Variants in HDAC1 observed in about 807,000 individuals in gnomAD.
HDAC1 encodes the protein protein deacetylase HDAC1.
Under a neutral mutation model 65.5 loss-of-function variants are expected in HDAC1, and 18 were observed. That is an observed-to-expected ratio of 0.27 (90% CI 0.19 to 0.41). The LOEUF (loss-of-function observed/expected upper bound fraction) is 0.41. HDAC1 is among the 10% of genes least tolerant of loss of function. HDAC1 has a pLI of 1.00. For synonymous variants in HDAC1, 211 were observed against 227.9 expected, an observed-to-expected ratio of 0.93 and a Z score of 0.67; for missense variants, 373 against 625.2, an observed-to-expected ratio of 0.60 and a Z score of 4.30.
At position 32,324,568 on chromosome 1, in the gene HDAC1, T is replaced by C. The variant is rs777879437; in HGVS notation, c.355+15T>C. On this transcript the variant is annotated intron_variant, in intron 4 of 13. Transcript: ENST00000373548. ...TGGTTCTGTGGGTAAGGAATATTCA[T>C]CTTCTCCCCAGGGGTAGACTGGGTT... The C allele has an allele frequency of 5.2e-5, 82 of 1,569,558 alleles. No homozygotes were observed. The South Asian group carries it at 5.3e-4, about 10-fold the overall frequency.
chr1:32,326,063 C>T (rs1343600254), intron 4 of HDAC1, among the ~76,000 whole-genome samples: 1 of 152,132 alleles, frequency 6.6e-6, no homozygotes, highest in Non-Finnish European at 1.5e-5. Flanking sequence ...CACAAATGCA[C>T]TTGCACACAT....
intron 3 of HDAC1, among the ~76,000 whole-genome samples, chr1:32,321,192 C>G (rs1313399792): frequency 6.6e-6 from 1 of 150,502 alleles, no homozygotes; most frequent in Non-Finnish European, 1.5e-5. Flanking sequence ...CATTGCGCCA[C>G]TGCACTCCAG....
intron 1 of HDAC1, 67 bp from the exon 2 acceptor site, chr1:32,302,554 A>C: frequency 1.3e-6 from 1 of 786,280 alleles, no homozygotes; most frequent in Non-Finnish European, 2.3e-6. Flanking sequence ...CGCTGTAAAA[A>C]TTCCTGGGTT....
At chr1:32,325,820 G>GT (rs1006480566) in intron 4 of HDAC1, among the ~76,000 whole-genome samples, 11 of 152,136 alleles carry the variant, frequency 7.2e-5, no homozygotes, top group Admixed American at 1.3e-4. Context: ...GAGGTCAGGA[G>GT]TTTGAGACCA....
Position 32,318,891 on chromosome 1 carries a change from A to G in HDAC1, c.280+2109A>G, listed in dbSNP as rs546304653. Among the ~76,000 whole-genome samples, 10 of 152,116 alleles carry G rather than the reference A, an allele frequency of 6.6e-5. No individual in the cohort carries two copies. In the South Asian group the frequency reaches 1.0e-3, roughly 16 times the overall value. On this transcript the variant is annotated intron_variant, in intron 3 of 13. Coordinates refer to ENST00000373548, the MANE Select transcript of HDAC1 (RefSeq NM_004964.3). The stretch of plus-strand genomic sequence containing the variant: ...CCCAGCAGTTTGGGAGGCTGAGGCA[A>G]GCAGATCACCTGGGGTCGGGAGTTT...
rs184499323 is a variant in HDAC1, at chr1:32,315,429, T to C, written c.163-1236T>C. On this transcript the variant is annotated intron_variant, in intron 2 of 13. Transcript: ENST00000373548. ...GTGCAGTGGCACAATCTCAGCTCAC[T>C]GCAACCTCCACCTCCCAGGTTCAAG... Among the ~76,000 whole-genome samples, 35 of 151,866 alleles carry C rather than the reference T, an allele frequency of 2.3e-4. No individual in the cohort carries two copies. The East Asian group carries it at 6.4e-3, about 28-fold the overall frequency.
rs199676425 is a variant in HDAC1 at position 32,330,614 on chromosome 1, G to A, written c.766G>A (p.Ala256Thr). The change falls in exon 8 of 14, where the codon GCG becomes ACG. Residue 256 changes from alanine (A) to threonine (T), a missense_variant. Physicochemically the swap from Ala to Thr is moderately conservative, Grantham distance 58. This residue lies in a region of HDAC1 where 105 missense variants were observed against 192.6 expected (regional missense o/e 0.55). Coordinates refer to ENST00000373548, the MANE Select transcript of HDAC1 (RefSeq NM_004964.3). This position sits in a 1 kb window ranked among gnomAD's most constrained non-coding sequence, Gnocchi z 4.2. Reference protein sequence around the residue: ...SKVMEMFQPSAVVLQCGSDSL... With the variant: ...SKVMEMFQPSTVVLQCGSDSL... ...AGTAATGGAGATGTTCCAGCCTAGT[G>A]CGGTGGTCTTACAGTGTGGCTCAGA... 5 of 1,613,904 alleles carry A rather than the reference G, an allele frequency of 3.1e-6. No homozygotes were observed. Among genetic ancestry groups the A allele is most frequent in the Non-Finnish European group, 4.2e-6 (5 of 1,179,776 alleles).
chr1:32,294,835 T>A lies in HDAC1; in HGVS notation c.49+2617T>A, dbSNP rs1005137222. On this transcript the variant is annotated intron_variant, in intron 1 of 13. Transcript: ENST00000373548. ...GGCCCCAACTTTTTTTTTTTTTTTT[T>A]AAACTTCTAGAGATGGGGTCTCAAT... is the stretch of plus-strand genomic sequence containing the variant. Among the ~76,000 whole-genome samples the A allele has an allele frequency of 4.0e-5, 6 of 150,478 alleles. 1 individual carries two copies. Among genetic ancestry groups the A allele is most frequent in the African/African-American group, 9.7e-5 (4 of 41,100 alleles).
intron 6 of HDAC1, among the ~76,000 whole-genome samples, chr1:32,328,425 C>G (rs908609384): frequency 6.6e-6 from 1 of 152,094 alleles, no homozygotes; most frequent in Non-Finnish European, 1.5e-5. Context: ...GATCTTGTGC[C>G]TCAGCCTCCG....
At chr1:32,323,405 A>AT (rs1325050735) in intron 3 of HDAC1, among the ~76,000 whole-genome samples, 4 of 151,504 alleles carry the variant, frequency 2.6e-5, no homozygotes, top group Non-Finnish European at 4.4e-5. Flanking sequence ...TTATTTATTT[A>AT]TTTTTTTGAG....
intron 1 of HDAC1, among the ~76,000 whole-genome samples, chr1:32,293,855 T>C (rs1316079185): frequency 6.6e-6 from 1 of 150,782 alleles, no homozygotes; most frequent in African/African-American, 2.4e-5. Flanking sequence ...TGAGCCAAGA[T>C]TGCACCGCTG....
rs147225081 is a variant in HDAC1 at position 32,312,937 on chromosome 1, A to G, written c.163-3728A>G. On this transcript the variant is annotated intron_variant, in intron 2 of 13. Transcript: ENST00000373548. Reference sequence around the variant, plus strand: ...GCAATCCTCCCACCTCGGCCTCCCAAAATGCTGGGATTATAGGCGTGAGCC... The same window carrying G: ...GCAATCCTCCCACCTCGGCCTCCCAGAATGCTGGGATTATAGGCGTGAGCC... Among the ~76,000 whole-genome samples the G allele has an allele frequency of 6.7e-3, 1,016 of 152,172 alleles. 9 individuals are homozygous for G. The highest frequency in any genetic ancestry group is 0.023 in the African/African-American group (960 of 41,536).
At chr1:32,317,898 A>G (rs1370520005) in intron 3 of HDAC1, among the ~76,000 whole-genome samples, 3 of 152,166 alleles carry the variant, frequency 2.0e-5, no homozygotes, top group Admixed American at 6.5e-5. Flanking sequence ...AAGTAAGAAA[A>G]TAAGCTTTCA....
chr1:32,292,103 C>G lies in HDAC1; in HGVS notation c.-67C>G, dbSNP rs1456965092. Reference sequence around the variant, plus strand: ...CCCGCCCCCTCCCCCCTGGGTCGGACGCTGAGCGGAGCCGCGGGCGGGAGG... The same window carrying G: ...CCCGCCCCCTCCCCCCTGGGTCGGAGGCTGAGCGGAGCCGCGGGCGGGAGG... On this transcript the variant is annotated 5_prime_UTR_variant, in exon 1 of 14. Coordinates refer to ENST00000373548, the MANE Select transcript of HDAC1 (RefSeq NM_004964.3). 1 of 1,489,988 alleles carries G rather than the reference C, an allele frequency of 6.7e-7. No homozygotes were observed. The highest frequency in any genetic ancestry group is 2.0e-5 in the Admixed American group (1 of 50,812). The allele number at this position is 1,489,988 out of a possible 1,614,324, so 92.3% of individuals were successfully genotyped here.
chr1:32,329,411 T>A lies in HDAC1; in HGVS notation c.729+251T>A, dbSNP rs1236690352. 5.2e-6 allele frequency: 3 copies of A among 579,556 alleles called. No homozygotes were observed. Among genetic ancestry groups the A allele is most frequent in the Non-Finnish European group, 9.3e-6 (3 of 323,714 alleles). 35.9% of individuals were successfully genotyped at this position (579,556 alleles called of 1,614,324 possible). On this transcript the variant is annotated intron_variant, in intron 7 of 13. Transcript: ENST00000373548. The surrounding 1 kb of genome is among the most constrained non-coding windows in gnomAD (Gnocchi z 4.1). ...AGACATGATCTTTGCCCTCACGGACTATGGTGGGGAAGGCAGGCACATACC... is the reference window on the plus strand; with the variant it reads ...AGACATGATCTTTGCCCTCACGGACAATGGTGGGGAAGGCAGGCACATACC...
intron 3 of HDAC1, among the ~76,000 whole-genome samples, chr1:32,323,598 A>G (rs1159779985): frequency 6.6e-6 from 1 of 151,864 alleles, no homozygotes; most frequent in Non-Finnish European, 1.5e-5. Context: ...GGGTTTCTCC[A>G]TGTTGCCCAG....
At chr1:32,307,765 G>A (rs1236476888) in intron 2 of HDAC1, among the ~76,000 whole-genome samples, 1 of 152,194 alleles carries the variant, frequency 6.6e-6, no homozygotes, top group South Asian at 2.1e-4. Flanking sequence ...GATGAAGATG[G>A]ATTGTTAGAA....
chr1:32,297,474 A>C (rs541444274), intron 1 of HDAC1, among the ~76,000 whole-genome samples: 1 of 152,196 alleles, frequency 6.6e-6, no homozygotes, highest in African/African-American at 2.4e-5. Flanking sequence ...AGGCAGGTGG[A>C]TGGTTTGAGC....
chr1:32,331,204 G>A lies in HDAC1; in HGVS notation c.980-270G>A, dbSNP rs574720105. ...AACTGGAGTAGCGAGTGAAGGGAGC[G>A]CTCATAATGAGCATGGCCTCAAGTG... On this transcript the variant is annotated intron_variant, in intron 9 of 13. Transcript: ENST00000373548. The surrounding 1 kb of genome is among the most constrained non-coding windows in gnomAD (Gnocchi z 4.2). 2.0e-5 allele frequency among the ~76,000 whole-genome samples: 3 copies of A among 152,274 alleles called. No individual in the cohort carries two copies. Among genetic ancestry groups the A allele is most frequent in the African/African-American group, 2.4e-5 (1 of 41,532 alleles).
Sources: gnomAD v4.1 joint callset for allele counts (sites outside exome capture counted in the v4.1 genomes callset) on GRCh38, gnomAD v4.1.1 for gene constraint, gnomAD v4.1.1 regional missense constraint, Gnocchi (gnomAD v3.1) non-coding constraint, MANE v1.5 for transcripts, NCBI Gene and HGNC (gene_info 2026-07-23, HGNC 2026-07-21) for gene names.